The following ANKRD29 variants were observed in gnomAD, a reference collection of about 807,000 sequenced individuals.
ANKRD29 encodes the protein ankyrin repeat domain-containing protein 29.
A neutral mutation model predicts 38.0 loss-of-function variants in ANKRD29; 32 were observed. The observed-to-expected ratio is 0.84, with a 90% CI of 0.64 to 1.13. ANKRD29 has a LOEUF of 1.13. ANKRD29 is among the 50% of genes most tolerant of loss of function. ANKRD29 has a pLI of 0.00. For missense variants in ANKRD29, 357 were observed against 377.9 expected (o/e 0.94, Z 0.46); for synonymous variants, 135 against 152.4 (o/e 0.89, Z 0.84).
chr18:23,628,969 T>C (rs2059895323), intron 6 of ANKRD29, among the ~76,000 whole-genome samples: 1 of 152,224 alleles, frequency 6.6e-6, no homozygotes, highest in Non-Finnish European at 1.5e-5. Flanking sequence ...TTCTGTTCTT[T>C]TTTCTTCTTT....
rs144552419 is a variant in ANKRD29 at position 23,645,326 on chromosome 18, G to T, written c.231+863C>A. ...AAAATGTCCCAGCCTAGGCAATCCC[G>T]GCACTTTGGGAGGCTGATGTGGGCA... On this transcript the variant is annotated intron_variant, in intron 3 of 9. Transcript: ENST00000592179. Among the ~76,000 whole-genome samples the T allele has an allele frequency of 3.6e-3, 542 of 152,256 alleles. 4 individuals are homozygous for T. The highest frequency in any genetic ancestry group is 0.012 in the African/African-American group (508 of 41,552).
intron 1 of ANKRD29, among the ~76,000 whole-genome samples, chr18:23,654,010 G>A (rs1235666607): frequency 6.6e-6 from 1 of 151,906 alleles, no homozygotes. Context: ...TCTCACGCCT[G>A]TAATCTCAGC....
Position 23,612,075 on chromosome 18 carries a change from G to C in ANKRD29, c.822+17C>G, listed in dbSNP as rs375878372. 4 of 1,611,382 alleles carry C rather than the reference G, an allele frequency of 2.5e-6. No homozygotes were observed. Among genetic ancestry groups the C allele is most frequent in the East Asian group, 2.2e-5 (1 of 44,860 alleles). ...ATCAATGGGCCCAAACGAGTTAAAA[G>C]ATTGCTTAGTGGGTACCTTGTTTCT... On this transcript the variant is annotated intron_variant, in intron 9 of 9. Transcript: ENST00000592179.
At chr18:23,652,575 TCTC>T (rs1309370636) in intron 1 of ANKRD29, among the ~76,000 whole-genome samples, 1 of 152,100 alleles carries the variant, frequency 6.6e-6, no homozygotes, top group Non-Finnish European at 1.5e-5. Flanking sequence ...AACTTCCAAA[TCTC>T]CTCTCAGTAT....
chr18:23,616,552 A>ATG (rs2059720848), intron 8 of ANKRD29, among the ~76,000 whole-genome samples: 1 of 139,628 alleles, frequency 7.2e-6, no homozygotes, highest in Non-Finnish European at 1.5e-5. Flanking sequence ...TATATATAGT[A>ATG]TATATATATA....
chr18:23,627,299 C>G (rs533892544), intron 6 of ANKRD29, among the ~76,000 whole-genome samples: 28 of 152,002 alleles, frequency 1.8e-4, no homozygotes, highest in South Asian at 2.1e-4. Flanking sequence ...TATAAGACAC[C>G]CTTTTCCTGA....
intron 9 of ANKRD29, chr18:23,609,177 A>G (rs2059610564): frequency 6.6e-6 from 1 of 151,862 alleles, no homozygotes; most frequent in Admixed American, 6.6e-5. Context: ...CGGGGGTAAC[A>G]TCACTATTGT....
intron 3 of ANKRD29, among the ~76,000 whole-genome samples, chr18:23,643,557 A>G (rs1232470943): frequency 6.6e-6 from 1 of 152,220 alleles, no homozygotes; most frequent in East Asian, 1.9e-4. Context: ...ATTTTAGAAC[A>G]TACATACTAC....
rs1337831029 is a variant in ANKRD29, at chr18:23,662,881, C to G, written c.-151G>C. The G allele has an allele frequency of 3.7e-5, 23 of 621,754 alleles. No individual in the cohort carries two copies. In the East Asian group the frequency reaches 1.8e-3, roughly 48 times the overall value. 38.5% of individuals were successfully genotyped at this position (621,754 alleles called of 1,614,324 possible). A position where few individuals can be genotyped will look rare whatever the true frequency, so the allele number is the denominator to read the frequency against. Reference sequence around the variant, plus strand: ...CGCCGCCCGGCCCGGCAGCAGCCGCCGCACACAGGGCCGGGCCGAAGGGGC... The same window carrying G: ...CGCCGCCCGGCCCGGCAGCAGCCGCGGCACACAGGGCCGGGCCGAAGGGGC... On this transcript the variant is annotated 5_prime_UTR_variant, in exon 1 of 10. Coordinates refer to ENST00000592179, the MANE Select transcript of ANKRD29 (RefSeq NM_173505.4).
intron 6 of ANKRD29, among the ~76,000 whole-genome samples, chr18:23,627,597 A>G (rs535580023): frequency 2.6e-5 from 4 of 152,342 alleles, no homozygotes; most frequent in African/African-American, 9.6e-5. Context: ...CATTTGAAAT[A>G]TAATCTCTTA....
At chr18:23,637,637 ATCC>A (rs1012640710) in intron 4 of ANKRD29, among the ~76,000 whole-genome samples, 1 of 151,864 alleles carries the variant, frequency 6.6e-6, no homozygotes, top group Non-Finnish European at 1.5e-5. Context: ...AGCTCAAACT[ATCC>A]TCCTGCCTCA....
At chr18:23,621,907 C>A (rs937255111) in intron 6 of ANKRD29, among the ~76,000 whole-genome samples, 1 of 151,798 alleles carries the variant, frequency 6.6e-6, no homozygotes, top group African/African-American at 2.4e-5. Flanking sequence ...TGTTCTTGAA[C>A]TCTTGGCCTC....
At chr18:23,628,007 C>A (rs918963050) in intron 6 of ANKRD29, among the ~76,000 whole-genome samples, 2 of 152,268 alleles carry the variant, frequency 1.3e-5, no homozygotes, top group Admixed American at 6.5e-5. Context: ...AAAAATATAA[C>A]CTTACATTGA....
At position 23,638,884 on chromosome 18, in the gene ANKRD29, A is replaced by G. The variant is rs774850142; in HGVS notation, c.295T>C (p.Phe99Leu). 1 of 1,612,928 alleles carries G rather than the reference A, an allele frequency of 6.2e-7. No individual in the cohort carries two copies. The highest frequency in any genetic ancestry group is 1.1e-5 in the South Asian group (1 of 90,738). ...AATTCAGTGGATGCTCCAAATCCAA[A>G]GAGAAATCTCACGACATCATTATGG... ...QGHNDVVRFLFGFGASTEFRT... is the reference protein window; with the variant it reads ...QGHNDVVRFLLGFGASTEFRT... The change falls in exon 4 of 10, where the codon TTT becomes CTT. Residue 99 changes from phenylalanine (F) to leucine (L), a missense_variant. Transcript: ENST00000592179.
chr18:23,641,757 G>T (rs573342509), intron 3 of ANKRD29, among the ~76,000 whole-genome samples: 1 of 152,314 alleles, frequency 6.6e-6, no homozygotes, highest in African/African-American at 2.4e-5. Context: ...GATTCAAAAA[G>T]ATGTCCCGAC....
chr18:23,614,654 C>A (rs1288281617), intron 8 of ANKRD29, among the ~76,000 whole-genome samples: 1 of 142,332 alleles, frequency 7.0e-6, no homozygotes, highest in Non-Finnish European at 1.5e-5. Context: ...GGCAACATAG[C>A]GAGACCCTGT....
intron 9 of ANKRD29, among the ~76,000 whole-genome samples, chr18:23,611,818 C>T (rs535382810): frequency 6.6e-6 from 1 of 151,932 alleles, no homozygotes; most frequent in East Asian, 1.9e-4. Context: ...GCACCTCCCT[C>T]GCTGCAAAAA....
chr18:23,643,024 G>T (rs1422147701), intron 3 of ANKRD29, among the ~76,000 whole-genome samples: 1 of 152,114 alleles, frequency 6.6e-6, no homozygotes, highest in Non-Finnish European at 1.5e-5. Flanking sequence ...AGGGAACCTG[G>T]TTCTCTTATG....
At chr18:23,629,764 G>T in intron 6 of ANKRD29, 89 bp downstream of exon 6, 2 of 1,017,754 alleles carry the variant, frequency 2.0e-6, no homozygotes, top group Non-Finnish European at 3.0e-6. Flanking sequence ...GAGCTTACTG[G>T]TTATCTCAGG....
Sources: allele counts gnomAD v4.1 joint callset (sites outside exome capture counted in the v4.1 genomes callset), GRCh38; gene constraint gnomAD v4.1.1; transcripts MANE v1.5; gene names NCBI Gene and HGNC (gene_info 2026-07-23, HGNC 2026-07-21).